Variants in DGKB observed in about 807,000 individuals in gnomAD.
DGKB encodes the protein 90 kDa diacylglycerol kinase.
A neutral mutation model predicts 114.3 loss-of-function variants in DGKB; 67 were observed. That is an observed-to-expected ratio of 0.59 (90% CI 0.48 to 0.72). The LOEUF is 0.72. DGKB is among the 30% of genes least tolerant of loss of function. The pLI, the probability that DGKB is intolerant of heterozygous loss-of-function variation, is 0.00. For missense variants in DGKB, 907 were observed against 975.2 expected, an observed-to-expected ratio of 0.93 and a Z score of 0.93; for synonymous variants, 398 against 323.1, an observed-to-expected ratio of 1.23 and a Z score of -2.49.
Position 14,663,241 on chromosome 7 carries a change from C to A in DGKB, c.1134+9688G>T, listed in dbSNP as rs539376843. ...CTTAGGCTTTTTAACGTGCTTGTAT[C>A]ATTCTCTTCAGTGTCTGGTGTTATC... On this transcript the variant is annotated intron_variant, in intron 13 of 25. Transcript: ENST00000402815. Among the ~76,000 whole-genome samples, 18 of 152,050 alleles carry A rather than the reference C, an allele frequency of 1.2e-4. 1 individual carries two copies. In the East Asian group the frequency reaches 3.5e-3, roughly 30 times the overall value.
At chr7:14,585,628 C>A (rs974468412) in intron 17 of DGKB, among the ~76,000 whole-genome samples, 1 of 152,122 alleles carries the variant, frequency 6.6e-6, no homozygotes, top group Non-Finnish European at 1.5e-5. Flanking sequence ...TACAGGCATA[C>A]CTCATTGTAT....
At chr7:14,691,088 C>A (rs752305504) in intron 9 of DGKB, among the ~76,000 whole-genome samples, 60 of 152,210 alleles carry the variant, frequency 3.9e-4, no homozygotes, top group Admixed American at 1.2e-3. Context: ...ATTTTGGTAC[C>A]AAAATAGATA....
chr7:14,171,633 A>G (rs972046495), intron 25 of DGKB, among the ~76,000 whole-genome samples: 3 of 152,240 alleles, frequency 2.0e-5, no homozygotes, highest in Non-Finnish European at 4.4e-5. Flanking sequence ...GATACATTCA[A>G]ATTCTTTGCT....
intron 25 of DGKB, among the ~76,000 whole-genome samples, chr7:14,153,597 C>T (rs866519824): frequency 5.3e-5 from 8 of 152,006 alleles, no homozygotes; most frequent in African/African-American, 1.4e-4. Flanking sequence ...TTGCTAATTC[C>T]TACCTCTGCA....
At chr7:14,747,779 GCACA>G (rs11276008) in intron 4 of DGKB, among the ~76,000 whole-genome samples, 62 of 148,496 alleles carry the variant, frequency 4.2e-4, no homozygotes, top group Non-Finnish European at 1.3e-4. Context: ...CCACGCGCAC[GCACA>G]CACACACACA....
chr7:14,434,065 A>G (rs1427252177), intron 21 of DGKB, among the ~76,000 whole-genome samples: 1 of 152,154 alleles, frequency 6.6e-6, no homozygotes, highest in Admixed American at 6.6e-5. Context: ...AGAGTTTAAG[A>G]TTAGTGATGG....
chr7:14,150,801 T>G (rs569574694), intron 25 of DGKB, among the ~76,000 whole-genome samples: 52 of 152,226 alleles, frequency 3.4e-4, no homozygotes, highest in Middle Eastern at 3.4e-3. Flanking sequence ...TCATTGAGAT[T>G]TAAACTCCTC....
At chr7:14,362,748 TTTGTA>T (rs1158212201) in intron 21 of DGKB, among the ~76,000 whole-genome samples, 2 of 152,116 alleles carry the variant, frequency 1.3e-5, no homozygotes, top group African/African-American at 4.8e-5. Flanking sequence ...ATTATATTAT[TTTGTA>T]TTGTATTACA....
chr7:14,319,138 G>A (rs1807224601), intron 23 of DGKB, among the ~76,000 whole-genome samples: 1 of 143,740 alleles, frequency 7.0e-6, no homozygotes, highest in Non-Finnish European at 1.5e-5. Flanking sequence ...GGACTGTTGT[G>A]GGGTGAGGGG....
intron 1 of DGKB, among the ~76,000 whole-genome samples, chr7:14,846,229 A>T (rs1848610051): frequency 6.6e-6 from 1 of 152,178 alleles, no homozygotes; most frequent in South Asian, 2.1e-4. Context: ...GATTTGGTTT[A>T]TTCCAATACC....
chr7:14,298,150 A>G (rs1445455963), intron 23 of DGKB, among the ~76,000 whole-genome samples: 1 of 152,214 alleles, frequency 6.6e-6, no homozygotes, highest in Non-Finnish European at 1.5e-5. Flanking sequence ...TTATGGATTC[A>G]GTGTGATTCC....
At chr7:14,196,913 A>G (rs1785106566) in intron 23 of DGKB, among the ~76,000 whole-genome samples, 1 of 152,132 alleles carries the variant, frequency 6.6e-6, no homozygotes, top group Admixed American at 6.6e-5. Flanking sequence ...TTATCTTTAC[A>G]AAGGAACTGC....
At chr7:14,193,292 A>G (rs1784571824) in intron 23 of DGKB, among the ~76,000 whole-genome samples, 2 of 152,332 alleles carry the variant, frequency 1.3e-5, no homozygotes, top group South Asian at 4.1e-4. Context: ...ACTTCAAAAT[A>G]CACTATTATA....
chr7:14,283,814 C>T (rs1219409449), intron 23 of DGKB, among the ~76,000 whole-genome samples: 7 of 151,904 alleles, frequency 4.6e-5, no homozygotes, highest in East Asian at 1.9e-4. Flanking sequence ...TAGCCATATG[C>T]AGAAAGCTGA....
At chr7:14,866,182 T>C (rs961998275) in intron 1 of DGKB, among the ~76,000 whole-genome samples, 2 of 152,176 alleles carry the variant, frequency 1.3e-5, no homozygotes, top group Non-Finnish European at 2.9e-5. Flanking sequence ...CCTGCCCATA[T>C]ACATCCCTAG....
chr7:14,581,699 G>A (rs1274789635), intron 18 of DGKB, among the ~76,000 whole-genome samples: 1 of 152,104 alleles, frequency 6.6e-6, no homozygotes, highest in Non-Finnish European at 1.5e-5. Context: ...CAAAATCAGT[G>A]TACATATGTG....
At chr7:14,922,445 C>G (rs945362483) in intron 1 of DGKB, among the ~76,000 whole-genome samples, 13 of 149,944 alleles carry the variant, frequency 8.7e-5, no homozygotes, top group Non-Finnish European at 1.2e-4. Flanking sequence ...TAGTATGGCT[C>G]TTCATAAAAA....
intron 25 of DGKB, chr7:14,176,320 T>G (rs1276335782): frequency 1.0e-6 from 1 of 983,772 alleles, no homozygotes; most frequent in Non-Finnish European, 1.2e-6. Context: ...AGGGGCAGTG[T>G]CTGCCTTAAA....
chr7:14,492,639 T>C (rs1784753286), intron 20 of DGKB, among the ~76,000 whole-genome samples: 1 of 152,096 alleles, frequency 6.6e-6, no homozygotes, highest in Non-Finnish European at 1.5e-5. Flanking sequence ...CCCGCCATGA[T>C]GGGTTTCTAC....
Sources: gnomAD v4.1 joint callset for allele counts (sites outside exome capture counted in the v4.1 genomes callset) on GRCh38, gnomAD v4.1.1 for gene constraint, MANE v1.5 for transcripts, NCBI Gene and HGNC (gene_info 2026-07-23, HGNC 2026-07-21) for gene names.